Variants in LONRF2 observed in about 807,000 individuals in gnomAD.
LONRF2 encodes the protein LON peptidase N-terminal domain and RING finger protein 2.
Under a neutral mutation model 66.6 loss-of-function variants are expected in LONRF2, and 35 were observed. The ratio of observed to expected loss-of-function variants is 0.53; its 90% CI spans 0.40 to 0.70. LONRF2 has a LOEUF of 0.70. LONRF2 is among the 30% of genes least tolerant of loss of function. The pLI, the probability that LONRF2 is intolerant of heterozygous loss-of-function variation, is 0.00. For synonymous variants in LONRF2, 417 were observed against 418.1 expected (o/e 1.00, Z 0.03); for missense variants, 902 against 1,002.1 (o/e 0.90, Z 1.35).
At position 100,273,549 on chromosome 2, in the gene LONRF2, T is replaced by A. The variant is rs1674539084; in HGVS notation, c.*10749A>T. The A allele has an allele frequency of 6.6e-6, 1 of 152,352 alleles. No individual in the cohort carries two copies. The highest frequency in any genetic ancestry group is 2.1e-4 in the South Asian group (1 of 4,832). The allele number at this position is 152,352 out of a possible 1,614,324, so 9.4% of individuals were successfully genotyped here. ...ACAAGAATACATGAAGTAAATATCATAACATTTAAGTTTCGTCTCACTTAG... is the reference window on the plus strand; with the variant it reads ...ACAAGAATACATGAAGTAAATATCAAAACATTTAAGTTTCGTCTCACTTAG... On this transcript the variant is annotated 3_prime_UTR_variant, in exon 12 of 12. Coordinates refer to ENST00000393437, the MANE Select transcript of LONRF2 (RefSeq NM_198461.4).
rs1674544297 is a variant in LONRF2, at chr2:100,273,846, A to G, written c.*10452T>C. On this transcript the variant is annotated 3_prime_UTR_variant, in exon 12 of 12. Coordinates refer to ENST00000393437, the MANE Select transcript of LONRF2 (RefSeq NM_198461.4). ...TAAGATGCTAATGACACCACTCTCC[A>G]CTAGCATGAAAGAACAATATATGAA... 1.3e-5 allele frequency: 2 copies of G among 152,198 alleles called. No homozygotes were observed. The highest frequency in any genetic ancestry group is 4.1e-4 in the South Asian group (2 of 4,826). The allele number at this position is 152,198 out of a possible 1,614,324, so 9.4% of individuals were successfully genotyped here. A position where few individuals can be genotyped will look rare whatever the true frequency, so the allele number is the denominator to read the frequency against.
Position 100,300,681 on chromosome 2 carries a change from TG to T in LONRF2, c.1027del (p.Gln343ArgfsTer45). 1 of 1,613,286 alleles carries T rather than the reference TG, an allele frequency of 6.2e-7. No individual in the cohort carries two copies. The highest frequency in any genetic ancestry group is 1.1e-5 in the South Asian group (1 of 90,844). The stretch of plus-strand genomic sequence containing the variant: ...TGCATCACCTTCTTCCAGCAGAGCC[TG>T]GGCATTCATGTGGCTGTGACCCTGA... ...KAQGHSHMNA[Q>X]ALLEEGDAGS... On this transcript the variant is annotated frameshift_variant, in exon 4 of 12. Coordinates refer to ENST00000393437, the MANE Select transcript of LONRF2 (RefSeq NM_198461.4). LOFTEE classifies it high-confidence loss of function.
Position 100,282,492 on chromosome 2 carries a change from G to A in LONRF2, c.*1806C>T, listed in dbSNP as rs988843303. The A allele has an allele frequency of 3.3e-5, 5 of 152,344 alleles. No individual in the cohort carries two copies. The highest frequency in any genetic ancestry group is 3.4e-3 in the Middle Eastern group (1 of 294). 9.4% of individuals were successfully genotyped at this position (152,344 alleles called of 1,614,324 possible). On this transcript the variant is annotated 3_prime_UTR_variant, in exon 12 of 12. Transcript: ENST00000393437. Reference sequence around the variant, plus strand: ...TTTTCATGAACCACTTCTGGTAAAGGTCTTCTGGCATGTGAGATGCATTTT... The same window carrying A: ...TTTTCATGAACCACTTCTGGTAAAGATCTTCTGGCATGTGAGATGCATTTT...
Position 100,321,678 on chromosome 2 carries a change from T to C in LONRF2, c.416A>G (p.Asp139Gly). 2 of 1,268,008 alleles carry C rather than the reference T, an allele frequency of 1.6e-6. No individual in the cohort carries two copies. Among genetic ancestry groups the C allele is most frequent in the Non-Finnish European group, 2.0e-6 (2 of 1,011,166 alleles). 78.5% of individuals were successfully genotyped at this position (1,268,008 alleles called of 1,614,324 possible). A position where few individuals can be genotyped will look rare whatever the true frequency, so the allele number is the denominator to read the frequency against. ...CCGGCAGCGCGGGCAGCCGAGCAGGTCGCGGGGCGCGCGGGGCTCCGGGGC... is the reference window on the plus strand; with the variant it reads ...CCGGCAGCGCGGGCAGCCGAGCAGGCCGCGGGGCGCGCGGGGCTCCGGGGC... ...GPAPEPRAPR[D>G]LLGCPRCRRL... Residue 139 changes from aspartate to glycine, a missense_variant, in exon 1 of 12, where the codon GAC becomes GGC. Asp to Gly is a moderately conservative substitution (Grantham distance 94). Transcript: ENST00000393437.
Position 100,275,487 on chromosome 2 carries a change from G to A in LONRF2, c.*8811C>T, listed in dbSNP as rs185012222. ...GGATCTGGGTGTTGGTCTCCAAAGC[G>A]CTGCAGGGATCCTCCGGCCATGCGG... On this transcript the variant is annotated 3_prime_UTR_variant, in exon 12 of 12. Transcript: ENST00000393437. 1.5e-3 allele frequency: 222 copies of A among 152,340 alleles called. 1 individual carries two copies. The highest frequency in any genetic ancestry group is 1.9e-3 in the Non-Finnish European group (126 of 68,048). The allele number at this position is 152,340 out of a possible 1,614,324, so 9.4% of individuals were successfully genotyped here.
intron 1 of LONRF2, among the ~76,000 whole-genome samples, chr2:100,313,694 T>C (rs1172145601): frequency 6.6e-6 from 1 of 152,166 alleles, no homozygotes; most frequent in Non-Finnish European, 1.5e-5. Context: ...CATCATCATG[T>C]AGTTCATTCC....
Position 100,299,880 on chromosome 2 carries a change from A to G in LONRF2, c.1104T>C (p.Asn368=). 3 of 1,612,018 alleles carry G rather than the reference A, an allele frequency of 1.9e-6. No homozygotes were observed. The highest frequency in any genetic ancestry group is 2.5e-6 in the Non-Finnish European group (3 of 1,178,178). The change falls in exon 5 of 12, where the codon AAT becomes AAC. Residue 368 remains asparagine, a synonymous_variant. Coordinates refer to ENST00000393437, the MANE Select transcript of LONRF2 (RefSeq NM_198461.4). Reference sequence around the variant, plus strand: ...CCAGTATAAAATACAAAACTGAAGAATTGGTATTTCCAAGCATATCAGATT... The same window carrying G: ...CCAGTATAAAATACAAAACTGAAGAGTTGGTATTTCCAAGCATATCAGATT... The part of the protein sequence containing the change: ...SEKSDMLGNT[N]SSVLYFILGL...
At position 100,300,165 on chromosome 2, in the gene LONRF2, GTCTA is replaced by G. The variant is rs956826454; in HGVS notation, c.1066-251_1066-248del. ...ATCTTCATATGCAATCTGTCTGTCT[GTCTA>G]TCTATCTACACACACACACACATAC... is the stretch of plus-strand genomic sequence containing the variant. On this transcript the variant is annotated intron_variant, in intron 4 of 11. Transcript: ENST00000393437. Among the ~76,000 whole-genome samples the G allele has an allele frequency of 1.1e-4, 13 of 119,246 alleles. No individual in the cohort carries two copies. The South Asian group carries it at 1.8e-3, about 16-fold the overall frequency. The allele number at this position is 119,246 out of a possible 152,430, so 78.2% of individuals were successfully genotyped here.
intron 10 of LONRF2, 46 bp downstream of exon 10, chr2:100,290,212 C>A: frequency 6.5e-7 from 1 of 1,549,292 alleles, no homozygotes; most frequent in Non-Finnish European, 8.7e-7. Flanking sequence ...CAAAGGGAAG[C>A]GAGAGGACCG....
At chr2:100,316,534 A>G (rs1319223197) in intron 1 of LONRF2, among the ~76,000 whole-genome samples, 1 of 152,136 alleles carries the variant, frequency 6.6e-6, no homozygotes, top group Non-Finnish European at 1.5e-5. Flanking sequence ...GTGTTTAAAG[A>G]ACATATACAG....
At chr2:100,285,679 AC>A (rs1173470382) in intron 11 of LONRF2, among the ~76,000 whole-genome samples, 1 of 152,178 alleles carries the variant, frequency 6.6e-6, no homozygotes, top group Non-Finnish European at 1.5e-5. Flanking sequence ...GAGAGAAGCA[AC>A]ATTGCTGGCT....
chr2:100,304,373 C>T (rs1387766408), intron 2 of LONRF2, among the ~76,000 whole-genome samples: 1 of 151,792 alleles, frequency 6.6e-6, no homozygotes, highest in East Asian at 2.0e-4. Flanking sequence ...AACTCCTGGC[C>T]TCAAGTGATC....
chr2:100,307,686 CAGTT>C (rs1242462967), intron 2 of LONRF2, among the ~76,000 whole-genome samples: 1 of 152,100 alleles, frequency 6.6e-6, no homozygotes, highest in Non-Finnish European at 1.5e-5. Context: ...ATGTTGACTA[CAGTT>C]AATAACAATG....
intron 9 of LONRF2, among the ~76,000 whole-genome samples, chr2:100,293,285 A>G (rs888706086): frequency 4.6e-5 from 7 of 152,106 alleles, no homozygotes; most frequent in Non-Finnish European, 7.4e-5. Context: ...AAAATTTCAG[A>G]ATTTTCTCCA....
At chr2:100,295,672 AAGGGATGGAGAGAGAGG>A in intron 7 of LONRF2, 119 bp from the exon 8 acceptor site, 1 of 1,001,922 alleles carries the variant, frequency 1.0e-6, no homozygotes, top group South Asian at 1.6e-5. Context: ...TAAGAAGGAA[AAGGGATGGAGAGAGAGG>A]CGGGCCAGCC....
In LONRF2 at chr2:100,272,420, A is replaced by G. The variant is rs1674516802; in HGVS notation, c.*11878T>C. Among the ~76,000 whole-genome samples the G allele has an allele frequency of 6.6e-6, 1 of 152,162 alleles. No homozygotes were observed. Among genetic ancestry groups the G allele is most frequent in the African/African-American group, 2.4e-5 (1 of 41,444 alleles). ...AGGTTGAGGCAGGACAATCCTTTGA[A>G]CCCAAGAGGTTGAGGCTGCAGTGAG... is the stretch of plus-strand genomic sequence containing the variant. On this transcript the variant is annotated 3_prime_UTR_variant, in exon 12 of 12. Transcript: ENST00000393437.
intron 2 of LONRF2, among the ~76,000 whole-genome samples, chr2:100,306,791 A>C (rs1285779914): frequency 1.3e-5 from 2 of 152,068 alleles, no homozygotes; most frequent in East Asian, 1.9e-4. Context: ...CCCCTCAGTG[A>C]ACTTACTTCC....
intron 2 of LONRF2, among the ~76,000 whole-genome samples, chr2:100,304,368 C>G (rs1675246589): frequency 6.6e-6 from 1 of 151,562 alleles, no homozygotes; most frequent in Non-Finnish European, 1.5e-5. Flanking sequence ...TCTTGAACTC[C>G]TGGCCTCAAG....
In LONRF2 at chr2:100,279,724, G is replaced by A. The variant is rs1674673313; in HGVS notation, c.*4574C>T. ...CCTCTATCTGGCTCTTACAACCTAG[G>A]AAGCAATATCCCCCACCCTAACGAC... On this transcript the variant is annotated 3_prime_UTR_variant, in exon 12 of 12. Transcript: ENST00000393437. The A allele has an allele frequency of 6.6e-6, 1 of 152,148 alleles. No homozygotes were observed. The highest frequency in any genetic ancestry group is 6.6e-5 in the Admixed American group (1 of 15,264). The allele number at this position is 152,148 out of a possible 1,614,324, so 9.4% of individuals were successfully genotyped here.
Sources: gnomAD v4.1 joint callset for allele counts (sites outside exome capture counted in the v4.1 genomes callset) on GRCh38, gnomAD v4.1.1 for gene constraint, MANE v1.5 for transcripts, NCBI Gene and HGNC (gene_info 2026-07-23, HGNC 2026-07-21) for gene names.